Variants in NRG3 observed in about 807,000 individuals in gnomAD.
NRG3 encodes the protein pro-neuregulin-3, membrane-bound isoform.
NRG3 carries 31 observed loss-of-function variants against 66.9 expected under a neutral mutation model. The observed-to-expected ratio is 0.46, with a 90% confidence interval of 0.35 to 0.63. The LOEUF (loss-of-function observed/expected upper bound fraction) is 0.63, where lower values mean the gene tolerates loss of function less well. Among genes scored for constraint, NRG3 ranks in the 20% least tolerant of loss-of-function variants. The pLI, the probability that NRG3 is intolerant of heterozygous loss-of-function variation, is 0.00. For missense variants in NRG3, 910 were observed against 878.9 expected (o/e 1.04, Z -0.45); for synonymous variants, 393 against 359.4 (o/e 1.09, Z -1.06).
chr10:82,594,294 A>C (rs562550279), intron 2 of NRG3, among the ~76,000 whole-genome samples: 1 of 152,218 alleles, frequency 6.6e-6, no homozygotes, highest in Non-Finnish European at 1.5e-5. Context: ...GCACAAATTC[A>C]TGGTAGCCCC....
At chr10:82,318,384 A>G (rs979338829) in intron 1 of NRG3, among the ~76,000 whole-genome samples, 13 of 152,282 alleles carry the variant, frequency 8.5e-5, no homozygotes, top group African/African-American at 3.1e-4. Context: ...TGATGTATGT[A>G]TGTAAACACC....
At chr10:82,931,580 C>A (rs1053838274) in intron 4 of NRG3, among the ~76,000 whole-genome samples, 46 of 152,308 alleles carry the variant, frequency 3.0e-4, no homozygotes, top group African/African-American at 1.1e-3. Context: ...GTTTTCATTT[C>A]TCTCCTGAAA....
chr10:82,532,907 A>T (rs1018441414), intron 2 of NRG3, among the ~76,000 whole-genome samples: 1 of 150,038 alleles, frequency 6.7e-6, no homozygotes, highest in East Asian at 2.0e-4. Context: ...AAGGGTTCCA[A>T]TTTCCAATTT....
At chr10:82,544,027 G>C (rs1226101741) in intron 2 of NRG3, among the ~76,000 whole-genome samples, 2 of 152,148 alleles carry the variant, frequency 1.3e-5, no homozygotes, top group Non-Finnish European at 2.9e-5. Context: ...CCTTGGTTTT[G>C]TCAGTTATTT....
At chr10:82,733,069 T>A (rs1463668501) in intron 2 of NRG3, among the ~76,000 whole-genome samples, 4 of 152,218 alleles carry the variant, frequency 2.6e-5, no homozygotes, top group Non-Finnish European at 4.4e-5. Context: ...AACCATATAG[T>A]TTGTCTACAA....
At chr10:82,171,586 C>A (rs2072613654) in intron 1 of NRG3, among the ~76,000 whole-genome samples, 1 of 152,036 alleles carries the variant, frequency 6.6e-6, no homozygotes, top group South Asian at 2.1e-4. Flanking sequence ...TATTACAGTT[C>A]AAGTTAGTGG....
At chr10:82,862,454 A>C (rs2135929043) in intron 3 of NRG3, among the ~76,000 whole-genome samples, 1 of 152,336 alleles carries the variant, frequency 6.6e-6, no homozygotes, top group South Asian at 2.1e-4. Flanking sequence ...TTATATGCTA[A>C]TGATACATAT....
At chr10:82,530,788 A>T (rs1390427631) in intron 2 of NRG3, among the ~76,000 whole-genome samples, 1 of 151,882 alleles carries the variant, frequency 6.6e-6, no homozygotes, top group African/African-American at 2.4e-5. Flanking sequence ...GACTCACTGA[A>T]AAATTATTAA....
chr10:82,910,708 A>T (rs1591923367), intron 4 of NRG3, among the ~76,000 whole-genome samples: 1 of 152,240 alleles, frequency 6.6e-6, no homozygotes, highest in Non-Finnish European at 1.5e-5. Flanking sequence ...ACTTTCCCCC[A>T]AATATGACTT....
At chr10:82,130,257 G>C (rs774076795) in intron 1 of NRG3, among the ~76,000 whole-genome samples, 1 of 151,308 alleles carries the variant, frequency 6.6e-6, no homozygotes, top group Non-Finnish European at 1.5e-5. Flanking sequence ...AAGTTCTAGG[G>C]TACATGTATG....
intron 1 of NRG3, among the ~76,000 whole-genome samples, chr10:82,211,353 A>C (rs2075383178): frequency 2.0e-5 from 3 of 152,148 alleles, no homozygotes; most frequent in Admixed American, 2.0e-4. Flanking sequence ...GAGTTCTTTA[A>C]AGAGTTAAAG....
intron 1 of NRG3, among the ~76,000 whole-genome samples, chr10:82,142,557 GC>G (rs2069876594): frequency 6.6e-6 from 1 of 152,106 alleles, no homozygotes; most frequent in Non-Finnish European, 1.5e-5. Flanking sequence ...GTATCGAGAA[GC>G]AGGGTCTCAT....
At chr10:82,429,869 T>C (rs984580921) in intron 2 of NRG3, among the ~76,000 whole-genome samples, 1 of 152,168 alleles carries the variant, frequency 6.6e-6, no homozygotes, top group African/African-American at 2.4e-5. Context: ...TATCTTTAAG[T>C]TCACCGGTTC....
At position 82,313,399 on chromosome 10, in the gene NRG3, G is replaced by A. The variant is rs7897012; in HGVS notation, c.824-45340G>A. On this transcript the variant is annotated intron_variant, in intron 1 of 8. Coordinates refer to ENST00000372141, the MANE Select transcript of NRG3 (RefSeq NM_001010848.4). ...AAAATAAAAATAAATAAATGGAATT[G>A]TTGCGATTATCATTATGATTATTAT... is the stretch of plus-strand genomic sequence containing the variant. Among the ~76,000 whole-genome samples, 1,403 of 152,122 alleles carry A rather than the reference G, an allele frequency of 9.2e-3. 20 individuals are homozygous for A. The highest frequency in any genetic ancestry group is 0.032 in the African/African-American group (1,334 of 41,528).
chr10:82,942,647 GCCTTGCCCTTGC>G (rs372980532), intron 4 of NRG3, among the ~76,000 whole-genome samples: 2 of 152,210 alleles, frequency 1.3e-5, no homozygotes, highest in Non-Finnish European at 2.9e-5. Context: ...CCTGGCCTGA[GCCTTGCCCTTGC>G]CCTTGCCCTG....
intron 2 of NRG3, among the ~76,000 whole-genome samples, chr10:82,434,549 C>G (rs978795026): frequency 2.6e-5 from 4 of 151,978 alleles, no homozygotes; most frequent in African/African-American, 9.7e-5. Context: ...GTACTTCCAG[C>G]TTTTGCTCAT....
intron 2 of NRG3, among the ~76,000 whole-genome samples, chr10:82,643,487 G>A (rs893445091): frequency 1.3e-5 from 2 of 152,024 alleles, no homozygotes; most frequent in Non-Finnish European, 2.9e-5. Context: ...GTATTTATCA[G>A]CAGTGTGAAA....
intron 3 of NRG3, among the ~76,000 whole-genome samples, chr10:82,842,608 C>T (rs930913332): frequency 1.3e-5 from 2 of 152,150 alleles, no homozygotes; most frequent in Non-Finnish European, 2.9e-5. Context: ...ATGTTATAAT[C>T]CAAGCATCTA....
intron 1 of NRG3, among the ~76,000 whole-genome samples, chr10:82,118,965 C>T (rs2067904442): frequency 6.6e-6 from 1 of 152,142 alleles, no homozygotes; most frequent in Admixed American, 6.5e-5. Context: ...GCAAAGTTCT[C>T]AACTGAGTGT....
Sources: allele counts gnomAD v4.1 joint callset (sites outside exome capture counted in the v4.1 genomes callset), GRCh38; gene constraint gnomAD v4.1.1; transcripts MANE v1.5; gene names NCBI Gene and HGNC (gene_info 2026-07-23, HGNC 2026-07-21).